Variants in ACOXL observed in about 807,000 individuals in gnomAD.
ACOXL encodes acyl-coenzyme A oxidase-like protein.
Under a neutral mutation model 71.9 loss-of-function variants are expected in ACOXL, and 70 were observed. The observed-to-expected ratio is 0.97, with a 90% confidence interval of 0.80 to 1.19. The LOEUF is 1.19. Among genes scored for constraint, ACOXL ranks in the 50% most tolerant of loss-of-function variants. The pLI, the probability that ACOXL is intolerant of heterozygous loss-of-function variation, is 0.00. For synonymous variants in ACOXL, 253 were observed against 281.6 expected, an observed-to-expected ratio of 0.90 and a Z score of 1.02; for missense variants, 703 against 736.3, an observed-to-expected ratio of 0.95 and a Z score of 0.52.
At chr2:110,745,725 C>T (rs1307945334) in intron 1 of ACOXL, among the ~76,000 whole-genome samples, 1 of 152,166 alleles carries the variant, frequency 6.6e-6, no homozygotes, top group Non-Finnish European at 1.5e-5. Flanking sequence ...GAAAATATTA[C>T]CCGTGCAAGG....
chr2:111,075,574 TTC>T (rs2067560559), intron 16 of ACOXL, among the ~76,000 whole-genome samples: 1 of 152,016 alleles, frequency 6.6e-6, no homozygotes, highest in Non-Finnish European at 1.5e-5. Context: ...TTTTATTGAT[TTC>T]TGTTTTTATA....
At chr2:110,890,992 T>G (rs1409179242) in intron 10 of ACOXL, among the ~76,000 whole-genome samples, 4 of 152,206 alleles carry the variant, frequency 2.6e-5, no homozygotes, top group African/African-American at 9.6e-5. Flanking sequence ...ACACAAGTGT[T>G]ATATTTCTTT....
intron 4 of ACOXL, among the ~76,000 whole-genome samples, 170 bp downstream of exon 4, chr2:110,793,906 T>C (rs1684968201): frequency 6.6e-6 from 1 of 152,208 alleles, no homozygotes; most frequent in African/African-American, 2.4e-5. Flanking sequence ...TATGTTGCAT[T>C]GGGCCTGTCA....
chr2:111,105,320 G>T (rs2069461106), intron 17 of ACOXL, among the ~76,000 whole-genome samples: 1 of 151,846 alleles, frequency 6.6e-6, no homozygotes, highest in African/African-American at 2.4e-5. Context: ...TAATTCCTTT[G>T]CCTTTTTATA....
At chr2:110,780,383 T>A (rs546017931) in intron 2 of ACOXL, among the ~76,000 whole-genome samples, 2 of 152,320 alleles carry the variant, frequency 1.3e-5, no homozygotes, top group African/African-American at 4.8e-5. Context: ...TTTCAAAAAC[T>A]GTTTGGCTGT....
At chr2:110,943,699 C>T (rs1302545648) in intron 12 of ACOXL, among the ~76,000 whole-genome samples, 2 of 152,156 alleles carry the variant, frequency 1.3e-5, no homozygotes, top group Non-Finnish European at 1.5e-5. Flanking sequence ...GGGCTTAGTG[C>T]TTCTGATACC....
At chr2:110,757,061 C>T (rs77945874) in intron 1 of ACOXL, among the ~76,000 whole-genome samples, 3 of 152,144 alleles carry the variant, frequency 2.0e-5, no homozygotes, top group African/African-American at 4.8e-5. Flanking sequence ...TCCAACCCCC[C>T]CCAAGACAGG....
At chr2:110,970,497 A>AAAAG (rs35575077) in intron 12 of ACOXL, among the ~76,000 whole-genome samples, 53,012 of 151,958 alleles carry the variant, frequency 0.35, 10,333 homozygotes, top group Middle Eastern at 0.51. Flanking sequence ...CTCAAATTGA[A>AAAAG]AGAGTCTACA....
chr2:111,035,145 C>T (rs907604550), intron 15 of ACOXL, among the ~76,000 whole-genome samples: 2 of 152,050 alleles, frequency 1.3e-5, no homozygotes, highest in African/African-American at 4.8e-5. Context: ...GGATTACAGG[C>T]GTGAGCCACC....
chr2:110,991,958 TC>T (rs1219813500), intron 13 of ACOXL, among the ~76,000 whole-genome samples: 1 of 152,204 alleles, frequency 6.6e-6, no homozygotes, highest in Non-Finnish European at 1.5e-5. Flanking sequence ...ATAGTACGAC[TC>T]CCCACCAGAA....
intron 15 of ACOXL, among the ~76,000 whole-genome samples, chr2:111,036,232 T>G (rs2065505455): frequency 6.6e-6 from 1 of 152,142 alleles, no homozygotes; most frequent in African/African-American, 2.4e-5. Context: ...GCTAGTTGGC[T>G]GTGACACCTG....
chr2:110,789,211 A>G (rs1684367850), intron 3 of ACOXL, among the ~76,000 whole-genome samples: 1 of 152,150 alleles, frequency 6.6e-6, no homozygotes, highest in Non-Finnish European at 1.5e-5. Context: ...GATTGTCTTT[A>G]TTGGTGCTTT....
chr2:110,756,410 T>C (rs1240519169), intron 1 of ACOXL, among the ~76,000 whole-genome samples: 1 of 152,240 alleles, frequency 6.6e-6, no homozygotes, highest in Non-Finnish European at 1.5e-5. Context: ...ATTACAGGTA[T>C]GAGCCACCGC....
At position 110,840,397 on chromosome 2, in the gene ACOXL, T is replaced by C. The variant is rs578180084; in HGVS notation, c.754-974T>C. On this transcript the variant is annotated intron_variant, in intron 9 of 17. Coordinates refer to ENST00000439055, the MANE Select transcript of ACOXL (RefSeq NM_001142807.4). Reference sequence around the variant, plus strand: ...ATAGTGCTATTAGTGGTAGTTATTATTTATAGAATTTTTCCTATCACACAA... The same window carrying C: ...ATAGTGCTATTAGTGGTAGTTATTACTTATAGAATTTTTCCTATCACACAA... Among the ~76,000 whole-genome samples the C allele has an allele frequency of 2.6e-5, 4 of 152,344 alleles. No individual in the cohort carries two copies. In the East Asian group the frequency reaches 7.7e-4, roughly 29 times the overall value.
intron 14 of ACOXL, among the ~76,000 whole-genome samples, chr2:111,005,301 T>A (rs1279599124): frequency 6.6e-6 from 1 of 152,214 alleles, no homozygotes; most frequent in East Asian, 1.9e-4. Flanking sequence ...CAAATGAACA[T>A]CATTAATGAT....
At chr2:110,777,712 G>A (rs1216486636) in intron 2 of ACOXL, among the ~76,000 whole-genome samples, 6 of 152,214 alleles carry the variant, frequency 3.9e-5, no homozygotes, top group Non-Finnish European at 7.3e-5. Flanking sequence ...GGGGCCATCA[G>A]CGCGGGCAGC....
chr2:111,114,860 C>T (rs1015268252), intron 17 of ACOXL, among the ~76,000 whole-genome samples: 3 of 151,684 alleles, frequency 2.0e-5, no homozygotes, highest in Non-Finnish European at 2.9e-5. Context: ...ACTGATGTTA[C>T]AATTTTTCCC....
chr2:110,963,565 ATGTGTGTGTGTGTGTGTGTG>A (rs57092184), intron 12 of ACOXL: 208,039 of 1,452,580 alleles, frequency 0.14, 12,250 homozygotes, highest in South Asian at 0.18. Context: ...CAAATTTGAA[ATGTGTGTGTGTGTGTGTGTG>A]TGTGTGTGTG....
intron 3 of ACOXL, among the ~76,000 whole-genome samples, chr2:110,790,410 C>T (rs10199559): frequency 0.038 from 5,780 of 152,164 alleles, 201 homozygotes; most frequent in African/African-American, 0.085. Flanking sequence ...CTGTCTCACA[C>T]TGTGGCCTCT....
Sources: allele counts gnomAD v4.1 joint callset (sites outside exome capture counted in the v4.1 genomes callset), GRCh38; gene constraint gnomAD v4.1.1; transcripts MANE v1.5; gene names NCBI Gene and HGNC (gene_info 2026-07-23, HGNC 2026-07-21).